Variants in CFAP299 observed in about 807,000 individuals in gnomAD.
CFAP299 encodes the protein cilia- and flagella-associated protein 299.
Under a neutral mutation model 27.0 loss-of-function variants are expected in CFAP299, and 21 were observed. The observed-to-expected ratio is 0.78, with a 90% CI of 0.55 to 1.12. The LOEUF (loss-of-function observed/expected upper bound fraction) is 1.12. Ranked by LOEUF, CFAP299 falls within the 50% of genes most tolerant of loss-of-function variation. The pLI, the probability that CFAP299 is intolerant of heterozygous loss-of-function variation, is 0.00. For synonymous variants in CFAP299, 104 were observed against 98.1 expected (o/e 1.06, Z -0.36); for missense variants, 310 against 276.6 (o/e 1.12, Z -0.86).
At chr4:80,708,730 C>T (rs1476380881) in intron 3 of CFAP299, among the ~76,000 whole-genome samples, 1 of 152,036 alleles carries the variant, frequency 6.6e-6, no homozygotes, top group Non-Finnish European at 1.5e-5. Flanking sequence ...CTTATGACCA[C>T]TCACACACAA....
At chr4:80,375,848 A>G (rs1329953766) in intron 2 of CFAP299, among the ~76,000 whole-genome samples, 2 of 152,196 alleles carry the variant, frequency 1.3e-5, no homozygotes, top group Non-Finnish European at 2.9e-5. Context: ...TCATGAGCTC[A>G]ATTGCTGAGG....
At chr4:80,430,461 T>C (rs908950939) in intron 2 of CFAP299, among the ~76,000 whole-genome samples, 4 of 152,266 alleles carry the variant, frequency 2.6e-5, no homozygotes, top group Non-Finnish European at 5.9e-5. Flanking sequence ...ATCCTCTGAA[T>C]TTCTTAATGT....
rs114531841 is a variant in CFAP299 at position 80,848,683 on chromosome 4, G to A, written c.334-21310G>A. ...TCCTAGCTACATGAGAGGCTGAGACGGAGGATCAGTTGAGCCCAGGAGGTC... is the reference window on the plus strand; with the variant it reads ...TCCTAGCTACATGAGAGGCTGAGACAGAGGATCAGTTGAGCCCAGGAGGTC... On this transcript the variant is annotated intron_variant, in intron 3 of 5. Transcript: ENST00000358105. Among the ~76,000 whole-genome samples, 1,026 of 152,134 alleles carry A rather than the reference G, an allele frequency of 6.7e-3. 8 individuals are homozygous for A. The highest frequency in any genetic ancestry group is 0.012 in the Non-Finnish European group (788 of 68,002).
intron 4 of CFAP299, among the ~76,000 whole-genome samples, chr4:80,901,790 A>G (rs1286813704): frequency 6.6e-6 from 1 of 152,118 alleles, no homozygotes; most frequent in Non-Finnish European, 1.5e-5. Flanking sequence ...GAATATGACT[A>G]GAGACTTATT....
At chr4:80,349,104 A>T (rs1722898630) in intron 1 of CFAP299, among the ~76,000 whole-genome samples, 1 of 152,206 alleles carries the variant, frequency 6.6e-6, no homozygotes, top group South Asian at 2.1e-4. Context: ...CCTGCCTGCC[A>T]TACAATTTTA....
chr4:80,814,705 A>G (rs1316509874), intron 3 of CFAP299, among the ~76,000 whole-genome samples: 2 of 151,890 alleles, frequency 1.3e-5, no homozygotes, highest in Non-Finnish European at 2.9e-5. Flanking sequence ...AAAGGTATAA[A>G]AATCTTTATG....
intron 4 of CFAP299, among the ~76,000 whole-genome samples, chr4:80,883,705 T>G (rs981662141): frequency 5.9e-5 from 9 of 151,740 alleles, no homozygotes; most frequent in Admixed American, 5.3e-4. Context: ...CATAATAGAG[T>G]GATACAGAAG....
intron 2 of CFAP299, among the ~76,000 whole-genome samples, chr4:80,578,605 A>G (rs906908786): frequency 3.3e-5 from 5 of 152,122 alleles, no homozygotes; most frequent in African/African-American, 1.2e-4. Flanking sequence ...ATTTTCTTGG[A>G]CTAATTATAT....
intron 2 of CFAP299, among the ~76,000 whole-genome samples, chr4:80,578,206 T>C (rs1006447231): frequency 4.6e-5 from 7 of 152,218 alleles, no homozygotes; most frequent in African/African-American, 1.7e-4. Flanking sequence ...AGGAAGTAAC[T>C]GCTTTTGTAA....
At position 80,869,854 on chromosome 4, in the gene CFAP299, C is replaced by A. The variant is rs769119202; in HGVS notation, c.334-139C>A. On this transcript the variant is annotated intron_variant, in intron 3 of 5. Transcript: ENST00000358105. ...GTGCAGTGGGGAAAAAGAAGCTGTTCAATGTTATAACCACTCTTTCAGAAG... is the reference window on the plus strand; with the variant it reads ...GTGCAGTGGGGAAAAAGAAGCTGTTAAATGTTATAACCACTCTTTCAGAAG... 8.5e-5 allele frequency: 66 copies of A among 773,588 alleles called. 2 individuals carry two copies. The Middle Eastern group carries it at 1.6e-3, about 18-fold the overall frequency. 47.9% of individuals were successfully genotyped at this position (773,588 alleles called of 1,614,324 possible). A position where few individuals can be genotyped will look rare whatever the true frequency, so the allele number is the denominator to read the frequency against.
chr4:80,934,143 T>A (rs1353281805), intron 4 of CFAP299, among the ~76,000 whole-genome samples: 1 of 152,124 alleles, frequency 6.6e-6, no homozygotes, highest in Admixed American at 6.6e-5. Context: ...TGAAAGGATG[T>A]CAACTTTTGT....
chr4:80,364,431 A>C (rs1442841763), intron 2 of CFAP299, among the ~76,000 whole-genome samples: 1 of 152,102 alleles, frequency 6.6e-6, no homozygotes, highest in East Asian at 1.9e-4. Context: ...GATTTCTCCA[A>C]CTTCCTCTTC....
chr4:80,894,676 A>G (rs1734522758), intron 4 of CFAP299, among the ~76,000 whole-genome samples: 2 of 151,976 alleles, frequency 1.3e-5, no homozygotes, highest in Non-Finnish European at 2.9e-5. Flanking sequence ...TGATCCAACA[A>G]TTCGACTTCT....
intron 2 of CFAP299, among the ~76,000 whole-genome samples, chr4:80,452,440 A>G (rs1728947466): frequency 6.6e-6 from 1 of 152,192 alleles, no homozygotes; most frequent in Non-Finnish European, 1.5e-5. Flanking sequence ...GAATTTCTTC[A>G]GAGAATTTAT....
chr4:80,370,680 C>T (rs1240126867), intron 2 of CFAP299, among the ~76,000 whole-genome samples: 1 of 152,260 alleles, frequency 6.6e-6, no homozygotes, highest in African/African-American at 2.4e-5. Flanking sequence ...TCTCCCCTGA[C>T]TCCATGTCTT....
In CFAP299 at chr4:80,717,440, A is replaced by G. The variant is rs541669465; in HGVS notation, c.333+134257A>G. Among the ~76,000 whole-genome samples the G allele has an allele frequency of 7.9e-5, 12 of 152,296 alleles. No individual in the cohort carries two copies. The South Asian group carries it at 2.5e-3, about 32-fold the overall frequency. On this transcript the variant is annotated intron_variant, in intron 3 of 5. Transcript: ENST00000358105. ...CAAAGTCATATTTGAATGCTTTGTT[A>G]TGACCGCTGTTACTGGAAATAAATT... is the stretch of plus-strand genomic sequence containing the variant.
At chr4:80,845,049 A>G (rs1731095319) in intron 3 of CFAP299, among the ~76,000 whole-genome samples, 1 of 152,180 alleles carries the variant, frequency 6.6e-6, no homozygotes, top group African/African-American at 2.4e-5. Context: ...AGGTTTGTCA[A>G]AGATCAGATA....
At chr4:80,829,903 T>G (rs1730203986) in intron 3 of CFAP299, among the ~76,000 whole-genome samples, 1 of 152,052 alleles carries the variant, frequency 6.6e-6, no homozygotes, top group Non-Finnish European at 1.5e-5. Flanking sequence ...AGTAGAGTGG[T>G]GGCTACCAGA....
At chr4:80,725,990 C>T (rs572413484) in intron 3 of CFAP299, among the ~76,000 whole-genome samples, 117 of 152,328 alleles carry the variant, frequency 7.7e-4, no homozygotes, top group African/African-American at 2.6e-3. Context: ...TTCTAATTTT[C>T]TTTCACCTCT....
Sources: gnomAD v4.1 joint callset for allele counts (sites outside exome capture counted in the v4.1 genomes callset) on GRCh38, gnomAD v4.1.1 for gene constraint, MANE v1.5 for transcripts, NCBI Gene and HGNC (gene_info 2026-07-23, HGNC 2026-07-21) for gene names.